The following VCPIP1 variants were observed in gnomAD, a reference collection of about 807,000 sequenced individuals.
VCPIP1 encodes the protein valosin containing protein interacting protein 1.
VCPIP1 carries 8 observed loss-of-function variants against 85.0 expected under a neutral mutation model. The ratio of observed to expected loss-of-function variants is 0.09; its 90% CI spans 0.06 to 0.17. The LOEUF (loss-of-function observed/expected upper bound fraction) is 0.17, where lower values mean the gene tolerates loss of function less well. VCPIP1 is among the 10% of genes least tolerant of loss of function. VCPIP1 has a pLI of 1.00. For synonymous variants in VCPIP1, 543 were observed against 544.5 expected (o/e 1.00, Z 0.04); for missense variants, 1,070 against 1,486.3 (o/e 0.72, Z 4.61).
At chr8:66,660,217 A>C (rs1449580238) in intron 1 of VCPIP1, among the ~76,000 whole-genome samples, 5 of 152,212 alleles carry the variant, frequency 3.3e-5, no homozygotes, top group East Asian at 1.9e-4. Flanking sequence ...TCATTAATCC[A>C]ACAAGCATTT....
chr8:66,645,143 G>A (rs1374837256), intron 2 of VCPIP1, among the ~76,000 whole-genome samples: 32 of 150,202 alleles, frequency 2.1e-4, no homozygotes, highest in Admixed American at 2.0e-3. Context: ...AAAAGAGGCC[G>A]GGCATGGTGG....
intron 2 of VCPIP1, among the ~76,000 whole-genome samples, chr8:66,647,292 G>A (rs1282671449): frequency 6.6e-6 from 1 of 150,500 alleles, no homozygotes; most frequent in African/African-American, 2.4e-5. Context: ...AGTGACCCAA[G>A]ACTGCGACAC....
intron 2 of VCPIP1, among the ~76,000 whole-genome samples, chr8:66,641,350 C>G (rs567769899): frequency 1.8e-4 from 28 of 152,146 alleles, no homozygotes; most frequent in African/African-American, 5.3e-4. Flanking sequence ...AATGTATAAA[C>G]AAATGGTTTG....
In VCPIP1 at chr8:66,666,890, A is replaced by G. The variant is rs750231725; in HGVS notation, c.69T>C (p.Thr23=). ...CAGCCGCCGACGCCAAGGACGACGG[A>G]GTCTGTGGAGCCTCAGGGGGAGGAG... ...PPPPPPEAPQ[T]PSSLASAAAS... The change falls in exon 1 of 3, where the codon ACT becomes ACC. Residue 23 remains threonine (T), a synonymous_variant. Coordinates refer to ENST00000310421, the MANE Select transcript of VCPIP1 (RefSeq NM_025054.5). The surrounding 1 kb of genome is among the most constrained non-coding windows in gnomAD (Gnocchi z 6.3). 3 of 1,612,192 alleles carry G rather than the reference A, an allele frequency of 1.9e-6. No homozygotes were observed. In the Admixed American group the frequency reaches 5.0e-5, roughly 27 times the overall value.
chr8:66,644,769 GGTAC>G (rs1810978318), intron 2 of VCPIP1, among the ~76,000 whole-genome samples: 1 of 151,484 alleles, frequency 6.6e-6, no homozygotes, highest in Admixed American at 6.6e-5. Context: ...TCACACATGG[GGTAC>G]AAGGGCAATC....
chr8:66,659,896 G>A (rs1811139543), intron 1 of VCPIP1, among the ~76,000 whole-genome samples: 3 of 152,148 alleles, frequency 2.0e-5, no homozygotes, highest in East Asian at 1.9e-4. Context: ...CTGCACTCCA[G>A]GCTGGGCGAC....
In VCPIP1 at chr8:66,666,920, CGGCGGCAACGGA is replaced by C. The variant is rs1811222151; in HGVS notation, c.27_38del (p.Leu11_Pro14del). 4.4e-6 allele frequency: 7 copies of C among 1,585,626 alleles called. 1 individual carries two copies. Among genetic ancestry groups the C allele is most frequent in the South Asian group, 3.4e-5 (3 of 88,838 alleles). ...GTGGAGCCTCAGGGGGAGGAGGTGG[CGGCGGCAACGGA>C]GGCGGCGGCGGCGGCGGCTGAGACA... On this transcript the variant is annotated inframe_deletion, in exon 1 of 3. Transcript: ENST00000310421. This position sits in a 1 kb window ranked among gnomAD's most constrained non-coding sequence, Gnocchi z 6.3.
rs1429324114 is a variant in VCPIP1, at chr8:66,665,063, C to T, written c.1896G>A (p.Lys632=). The T allele has an allele frequency of 2.5e-6, 4 of 1,614,034 alleles. No homozygotes were observed. The highest frequency in any genetic ancestry group is 1.1e-5 in the South Asian group (1 of 91,072). Residue 632 remains lysine, a synonymous_variant, in exon 1 of 3, where the codon AAG becomes AAA. Coordinates refer to ENST00000310421, the MANE Select transcript of VCPIP1 (RefSeq NM_025054.5). The surrounding 1 kb of genome is among the most constrained non-coding windows in gnomAD (Gnocchi z 4.3). ...VYDVAMKLVT[K]HFPGEFGSEI... is the part of the protein sequence containing the mutation. ...CACTCCCAAATTCACCTGGAAAGTG[C>T]TTGGTAACAAGTTTCATTGCAACAT...
At chr8:66,663,010 CAGG>C (rs1811172188) in intron 1 of VCPIP1, among the ~76,000 whole-genome samples, 1 of 149,046 alleles carries the variant, frequency 6.7e-6, no homozygotes, top group Admixed American at 6.8e-5. Flanking sequence ...GAGGCTGAGG[CAGG>C]AGAATTGCTT....
At chr8:66,641,081 T>C (rs942595812) in intron 2 of VCPIP1, among the ~76,000 whole-genome samples, 3 of 152,220 alleles carry the variant, frequency 2.0e-5, no homozygotes, top group Non-Finnish European at 4.4e-5. Flanking sequence ...CACAGAGTTC[T>C]ACTCCTGCTG....
chr8:66,629,844 T>G lies in VCPIP1; in HGVS notation c.*4657A>C, dbSNP rs541793786. On this transcript the variant is annotated 3_prime_UTR_variant, in exon 3 of 3. Coordinates refer to ENST00000310421, the MANE Select transcript of VCPIP1 (RefSeq NM_025054.5). ...GCATGGGCAGCAGAGTGAGACCGTT[T>G]TGGTTTTTTTTTAAATTGCGCACTC... 5.9e-5 allele frequency: 9 copies of G among 152,256 alleles called. No homozygotes were observed. The highest frequency in any genetic ancestry group is 1.9e-4 in the African/African-American group (8 of 41,524). 9.4% of individuals were successfully genotyped at this position (152,256 alleles called of 1,614,324 possible).
At chr8:66,639,197 C>A (rs1334095462) in intron 2 of VCPIP1, among the ~76,000 whole-genome samples, 1 of 151,550 alleles carries the variant, frequency 6.6e-6, no homozygotes, top group Non-Finnish European at 1.5e-5. Flanking sequence ...GTTGCCCAGG[C>A]TCGTCTCAAA....
At chr8:66,658,877 A>C (rs571408626) in intron 1 of VCPIP1, among the ~76,000 whole-genome samples, 1 of 152,318 alleles carries the variant, frequency 6.6e-6, no homozygotes, top group Admixed American at 6.5e-5. Context: ...TACGTTAAAA[A>C]GCCACACAAT....
Position 66,665,665 on chromosome 8 carries a change from C to G in VCPIP1, c.1294G>C (p.Val432Leu). 1 of 1,614,160 alleles carries G rather than the reference C, an allele frequency of 6.2e-7. No homozygotes were observed. Among genetic ancestry groups the G allele is most frequent in the Non-Finnish European group, 8.5e-7 (1 of 1,180,018 alleles). ...MDKHGIHPSL[V>L]ADVHQYFYRR... The stretch of plus-strand genomic sequence containing the variant: ...TAGAAATACTGATGGACATCAGCAA[C>G]CAAACTAGGATGGATACCATGTTTG... Residue 432 changes from valine to leucine, a missense_variant, in exon 1 of 3, where the codon GTT (valine) becomes CTT (leucine). By Grantham distance (32) the Val-to-Leu change is conservative. This residue lies in a region of VCPIP1 where 83 missense variants were observed against 134.6 expected (regional missense o/e 0.62). Transcript: ENST00000310421. This position sits in a 1 kb window ranked among gnomAD's most constrained non-coding sequence, Gnocchi z 4.3.
intron 2 of VCPIP1, among the ~76,000 whole-genome samples, chr8:66,638,145 A>G (rs1810907342): frequency 6.6e-6 from 1 of 152,200 alleles, no homozygotes; most frequent in Non-Finnish European, 1.5e-5. Flanking sequence ...GTGAAAATGA[A>G]TAACCTACAG....
At chr8:66,645,491 A>G (rs2130159449) in intron 2 of VCPIP1, among the ~76,000 whole-genome samples, 2 of 152,278 alleles carry the variant, frequency 1.3e-5, no homozygotes, top group South Asian at 4.1e-4. Context: ...AGAAAATTGA[A>G]ATTTGTAGAA....
Position 66,629,919 on chromosome 8 carries a change from A to G in VCPIP1, c.*4582T>C, listed in dbSNP as rs376156512. ...TAGCAATGAAATCTACATTAAGGGG[A>G]AAAATCACTATTCCTGTACGATAAC... On this transcript the variant is annotated 3_prime_UTR_variant, in exon 3 of 3. Coordinates refer to ENST00000310421, the MANE Select transcript of VCPIP1 (RefSeq NM_025054.5). 4.3e-4 allele frequency: 65 copies of G among 152,222 alleles called. No individual in the cohort carries two copies. The highest frequency in any genetic ancestry group is 1.5e-3 in the African/African-American group (62 of 41,552). The allele number at this position is 152,222 out of a possible 1,614,324, so 9.4% of individuals were successfully genotyped here.
chr8:66,667,184 C>A lies in VCPIP1; in HGVS notation c.-226G>T, dbSNP rs999520715. The A allele has an allele frequency of 4.9e-5, 43 of 873,004 alleles. No individual in the cohort carries two copies. The highest frequency in any genetic ancestry group is 4.9e-6 in the Non-Finnish European group (3 of 609,054). The allele number at this position is 873,004 out of a possible 1,614,324, so 54.1% of individuals were successfully genotyped here. ...GCCCCGAACGTAACGGCCACCACCC[C>A]ACCCCGCACTCACACTCACTCACTC... On this transcript the variant is annotated 5_prime_UTR_variant, in exon 1 of 3. Coordinates refer to ENST00000310421, the MANE Select transcript of VCPIP1 (RefSeq NM_025054.5).
At position 66,665,297 on chromosome 8, in the gene VCPIP1, A is replaced by G. The variant is rs756776256; in HGVS notation, c.1662T>C (p.Ser554=). 6.2e-7 allele frequency: 1 copy of G among 1,614,176 alleles called. No homozygotes were observed. The change falls in exon 1 of 3, where the codon TCT becomes TCC. Residue 554 remains serine, a synonymous_variant. Coordinates refer to ENST00000310421, the MANE Select transcript of VCPIP1 (RefSeq NM_025054.5). The surrounding 1 kb of genome is among the most constrained non-coding windows in gnomAD (Gnocchi z 4.3). ...TSVRKVRGDG[S]IVYLDGDRTN... ...TTCTGTCTCCATCCAAATACACAAT[A>G]GACCCATCTCCTCTGACCTTTCGCA...
Sources: allele counts gnomAD v4.1 joint callset (sites outside exome capture counted in the v4.1 genomes callset), GRCh38; gene constraint gnomAD v4.1.1; regional missense constraint gnomAD v4.1.1; non-coding constraint Gnocchi (gnomAD v3.1); transcripts MANE v1.5; gene names NCBI Gene and HGNC (gene_info 2026-07-23, HGNC 2026-07-21).